GABRG3: variants seen among roughly 807,000 people sequenced by gnomAD.
GABRG3 encodes gamma-aminobutyric acid receptor subunit gamma-3.
GABRG3 carries 25 observed loss-of-function variants against 48.8 expected under a neutral mutation model. That is an observed-to-expected ratio of 0.51 (90% CI 0.37 to 0.72). GABRG3 has a LOEUF of 0.72. GABRG3 is among the 30% of genes least tolerant of loss of function. The pLI, the probability that GABRG3 is intolerant of heterozygous loss-of-function variation, is 0.00. For missense variants in GABRG3, 394 were observed against 577.9 expected (o/e 0.68, Z 3.26); for synonymous variants, 227 against 217.6 (o/e 1.04, Z -0.38).
intron 5 of GABRG3, among the ~76,000 whole-genome samples, chr15:27,461,633 C>T (rs1266204188): frequency 2.0e-5 from 3 of 152,320 alleles, no homozygotes; most frequent in Non-Finnish European, 4.4e-5. Flanking sequence ...GCCGGTTGGT[C>T]CATTTTACAG....
intron 3 of GABRG3, among the ~76,000 whole-genome samples, chr15:27,037,705 A>C (rs1896203430): frequency 6.6e-6 from 1 of 152,194 alleles, no homozygotes; most frequent in African/African-American, 2.4e-5. Flanking sequence ...GCAGTTACGC[A>C]AGAGACTTTC....
intron 3 of GABRG3, among the ~76,000 whole-genome samples, chr15:27,072,627 G>A (rs1896847377): frequency 6.6e-6 from 1 of 152,168 alleles, no homozygotes; most frequent in African/African-American, 2.4e-5. Flanking sequence ...AACAGGTCGG[G>A]GGCAGTGCGT....
At chr15:27,459,333 G>C (rs963182042) in intron 5 of GABRG3, among the ~76,000 whole-genome samples, 1 of 152,140 alleles carries the variant, frequency 6.6e-6, no homozygotes, top group Admixed American at 6.5e-5. Flanking sequence ...AAGTGGCACA[G>C]GTGACAATTC....
At chr15:27,065,080 C>G (rs1896714732) in intron 3 of GABRG3, among the ~76,000 whole-genome samples, 1 of 152,158 alleles carries the variant, frequency 6.6e-6, no homozygotes, top group Admixed American at 6.5e-5. Context: ...CTTTGAGGCA[C>G]CCCATTGCTT....
At chr15:27,358,436 T>C (rs1007360491) in intron 5 of GABRG3, among the ~76,000 whole-genome samples, 2 of 152,116 alleles carry the variant, frequency 1.3e-5, no homozygotes, top group Non-Finnish European at 2.9e-5. Flanking sequence ...GTTATTCCTA[T>C]GCAAATGCTG....
At position 27,065,717 on chromosome 15, in the gene GABRG3, C is replaced by T. The variant is rs139943506; in HGVS notation, c.270+38896C>T. Among the ~76,000 whole-genome samples the T allele has an allele frequency of 9.1e-4, 139 of 152,322 alleles. 1 individual carries two copies. The highest frequency in any genetic ancestry group is 3.1e-3 in the African/African-American group (129 of 41,574). On this transcript the variant is annotated intron_variant, in intron 3 of 9. Coordinates refer to ENST00000615808, the MANE Select transcript of GABRG3 (RefSeq NM_033223.5). Reference sequence around the variant, plus strand: ...TGCTGAGCAGCCTTCCGGCAGTCACCGGGGTCACCTTGCCACCACTGAACA... The same window carrying T: ...TGCTGAGCAGCCTTCCGGCAGTCACTGGGGTCACCTTGCCACCACTGAACA...
chr15:27,393,720 T>G (rs1887217623), intron 5 of GABRG3, among the ~76,000 whole-genome samples: 1 of 152,172 alleles, frequency 6.6e-6, no homozygotes, highest in Non-Finnish European at 1.5e-5. Flanking sequence ...AATTCATTCT[T>G]GACTATATCT....
chr15:27,249,065 GC>G (rs1890366792), intron 3 of GABRG3, among the ~76,000 whole-genome samples: 2 of 152,166 alleles, frequency 1.3e-5, no homozygotes, highest in South Asian at 4.1e-4. Flanking sequence ...GGAATAACTA[GC>G]GACAATGCAT....
chr15:27,502,669 G>T (rs893942020), intron 6 of GABRG3, among the ~76,000 whole-genome samples: 1 of 152,202 alleles, frequency 6.6e-6, no homozygotes, highest in East Asian at 1.9e-4. Flanking sequence ...TGACCAACGG[G>T]CTTCAAGTTG....
At chr15:27,000,984 T>C (rs1044705910) in intron 2 of GABRG3, among the ~76,000 whole-genome samples, 1 of 152,202 alleles carries the variant, frequency 6.6e-6, no homozygotes, top group Non-Finnish European at 1.5e-5. Flanking sequence ...TCCTTATGGA[T>C]GGTTTTTGGA....
Position 27,311,915 on chromosome 15 carries a change from A to G in GABRG3, c.271-14894A>G, listed in dbSNP as rs1368039662. ...TCGCTGTTTTATCTAATGTGCAGAC[A>G]ACACAGAGAGTCAAGGAAAATGAAG... On this transcript the variant is annotated intron_variant, in intron 3 of 9. Coordinates refer to ENST00000615808, the MANE Select transcript of GABRG3 (RefSeq NM_033223.5). Among the ~76,000 whole-genome samples, 12 of 152,178 alleles carry G rather than the reference A, an allele frequency of 7.9e-5. No homozygotes were observed. In the East Asian group the frequency reaches 2.1e-3, roughly 27 times the overall value.
At position 27,088,448 on chromosome 15, in the gene GABRG3, G is replaced by T. The variant is rs928559691; in HGVS notation, c.270+61627G>T. On this transcript the variant is annotated intron_variant, in intron 3 of 9. Coordinates refer to ENST00000615808, the MANE Select transcript of GABRG3 (RefSeq NM_033223.5). The stretch of plus-strand genomic sequence containing the variant: ...CCAGGGGCTTTACTCTGGCCAACTG[G>T]GGAGGCTGTGTGCCGGGCAGGCTGC... 3.0e-4 allele frequency among the ~76,000 whole-genome samples: 46 copies of T among 152,118 alleles called. 1 individual carries two copies. The highest frequency in any genetic ancestry group is 1.5e-5 in the Non-Finnish European group (1 of 68,002).
At chr15:27,114,801 CT>C (rs368067085) in intron 3 of GABRG3, among the ~76,000 whole-genome samples, 3,169 of 145,658 alleles carry the variant, frequency 0.022, 110 homozygotes, top group African/African-American at 0.073. Flanking sequence ...AGTTATCATT[CT>C]TTTTTTTTTT....
intron 5 of GABRG3, among the ~76,000 whole-genome samples, chr15:27,338,655 T>C (rs1048334272): frequency 2.0e-5 from 3 of 152,158 alleles, no homozygotes; most frequent in Admixed American, 6.5e-5. Context: ...GTGCGTTTCA[T>C]GGTCAGCTTT....
rs763215653 is a variant in GABRG3, at chr15:27,532,897, A to G, written c.*16A>G. The G allele has an allele frequency of 1.2e-6, 2 of 1,609,660 alleles. No homozygotes were observed. Among genetic ancestry groups the G allele is most frequent in the Admixed American group, 3.3e-5 (2 of 59,854 alleles). On this transcript the variant is annotated 3_prime_UTR_variant, in exon 10 of 10. Transcript: ENST00000615808. Reference sequence around the variant, plus strand: ...GTATCTCTAAGTGTTGCTCAGAGTGAAGAGTGAAGAGCATTTGGTACACAC... The same window carrying G: ...GTATCTCTAAGTGTTGCTCAGAGTGGAGAGTGAAGAGCATTTGGTACACAC...
At chr15:27,189,612 G>A (rs370693856) in intron 3 of GABRG3, among the ~76,000 whole-genome samples, 3 of 152,082 alleles carry the variant, frequency 2.0e-5, no homozygotes, top group Non-Finnish European at 2.9e-5. Flanking sequence ...TGCTTATCAG[G>A]TTAAGGAGAT....
At chr15:27,158,055 C>G (rs1410035463) in intron 3 of GABRG3, 1 of 152,166 alleles carries the variant, frequency 6.6e-6, no homozygotes, top group Non-Finnish European at 1.5e-5. Flanking sequence ...GTGAACCAGA[C>G]TATGAGCTGG....
intron 3 of GABRG3, among the ~76,000 whole-genome samples, chr15:27,309,744 G>T (rs1892932301): frequency 6.6e-6 from 1 of 152,030 alleles, no homozygotes; most frequent in East Asian, 1.9e-4. Flanking sequence ...AATCACTGTG[G>T]GAAACAGTTT....
chr15:27,326,826 A>T lies in GABRG3; in HGVS notation c.288A>T (p.Ile96=). 6.2e-7 allele frequency: 1 copy of T among 1,613,722 alleles called. No individual in the cohort carries two copies. Among genetic ancestry groups the T allele is most frequent in the Non-Finnish European group, 8.5e-7 (1 of 1,179,668 alleles). ...SSINMEYQID[I]FFAQTWTDSR... Reference sequence around the variant, plus strand: ...TGTTTCAGGAATACCAAATTGACATATTTTTTGCTCAGACCTGGACAGATA... The same window carrying T: ...TGTTTCAGGAATACCAAATTGACATTTTTTTTGCTCAGACCTGGACAGATA... The change falls in exon 4 of 10, where the codon ATA becomes ATT. Residue 96 remains isoleucine, a synonymous_variant. Coordinates refer to ENST00000615808, the MANE Select transcript of GABRG3 (RefSeq NM_033223.5).
Sources: gnomAD v4.1 joint callset for allele counts (sites outside exome capture counted in the v4.1 genomes callset) on GRCh38, gnomAD v4.1.1 for gene constraint, MANE v1.5 for transcripts, NCBI Gene and HGNC (gene_info 2026-07-23, HGNC 2026-07-21) for gene names.